DSP: variants seen among roughly 807,000 people sequenced by gnomAD.
DSP encodes the protein 250/210 kDa paraneoplastic pemphigus antigen.
A neutral mutation model predicts 290.6 loss-of-function variants in DSP; 114 were observed. The observed-to-expected ratio is 0.39, with a 90% CI of 0.34 to 0.46. The LOEUF is 0.46. DSP is among the 20% of genes least tolerant of loss of function. DSP has a pLI of 0.99. For missense variants in DSP, 3,230 were observed against 3,495.8 expected (o/e 0.92, Z 1.92); for synonymous variants, 1,311 against 1,316.4 (o/e 1.00, Z 0.09).
chr6:7,585,676 C>G lies in DSP; in HGVS notation c.8414C>G (p.Ala2805Gly). ...ATCACTGGGCTGCGCCTTCTGGAAG[C>G]CGCCTCCGTGTCGTCCAAGGGCTTA... ...EDITGLRLLE[A>G]ASVSSKGLPS... Residue 2805 changes from alanine (A) to glycine (G), a missense_variant, in exon 24 of 24, where the codon GCC (alanine) becomes GGC (glycine). Physicochemically the swap from Ala to Gly is moderately conservative, Grantham distance 60 (BLOSUM62 0). Coordinates refer to ENST00000379802, the MANE Select transcript of DSP (RefSeq NM_004415.4). 6.2e-7 allele frequency: 1 copy of G among 1,614,240 alleles called. No individual in the cohort carries two copies. The highest frequency in any genetic ancestry group is 1.1e-5 in the South Asian group (1 of 91,082).
Position 7,584,173 on chromosome 6 carries a change from C to T in DSP, c.6911C>T (p.Pro2304Leu). ...AQAATGFIVD[P>L]VSNLRLPVEE... ...GCAGCTACTGGCTTTATAGTGGATC[C>T]TGTTAGCAACTTGAGGTTACCAGTG... Residue 2304 changes from proline to leucine, a missense_variant, in exon 24 of 24, where the codon CCT (proline) becomes CTT (leucine). By Grantham distance (98) the Pro-to-Leu change is moderately conservative (BLOSUM62 -3). This residue lies in a region of DSP where 207 missense variants were observed against 281.2 expected (regional missense o/e 0.74). Coordinates refer to ENST00000379802, the MANE Select transcript of DSP (RefSeq NM_004415.4). The surrounding 1 kb of genome is among the most constrained non-coding windows in gnomAD (Gnocchi z 6.4). 1 of 1,614,134 alleles carries T rather than the reference C, an allele frequency of 6.2e-7. No homozygotes were observed. Among genetic ancestry groups the T allele is most frequent in the Non-Finnish European group, 8.5e-7 (1 of 1,180,034 alleles).
In DSP at chr6:7,579,770, A is replaced by G; in HGVS notation, c.3580A>G (p.Lys1194Glu). The change falls in exon 23 of 24, where the codon AAG (lysine) becomes GAG (glutamate). Residue 1194 changes from lysine (K) to glutamate (E), a missense_variant. Coordinates refer to ENST00000379802, the MANE Select transcript of DSP (RefSeq NM_004415.4). The surrounding 1 kb of genome is among the most constrained non-coding windows in gnomAD (Gnocchi z 4.1). ...GAGAGAATATGAAAATGAGCTGGCA[A>G]AGGTAAGAAACCACTATAATGAGGA... The part of the protein sequence containing the change: ...RKREYENELA[K>E]VRNHYNEEMS... The G allele has an allele frequency of 6.2e-7, 1 of 1,613,972 alleles. No individual in the cohort carries two copies.
chr6:7,577,729 G>T, intron 20 of DSP, 50 bp from the exon 21 acceptor site: 1 of 1,403,556 alleles, frequency 7.1e-7, no homozygotes, highest in Non-Finnish European at 1.0e-6. Context: ...TGTTAGTGAT[G>T]CTTTTTAAGT....
In DSP at chr6:7,580,441, C is replaced by T; in HGVS notation, c.4251C>T (p.Thr1417=). The change falls in exon 23 of 24, where the codon ACC becomes ACT. Residue 1417 remains threonine (T), a synonymous_variant. Transcript: ENST00000379802. The surrounding 1 kb of genome is among the most constrained non-coding windows in gnomAD (Gnocchi z 4.2). ...TAAAGAGGCTGAAGAACACTCTAACCCAGACCACAGAGAATCTCAGGAGGG... is the reference window on the plus strand; with the variant it reads ...TAAAGAGGCTGAAGAACACTCTAACTCAGACCACAGAGAATCTCAGGAGGG... The part of the protein sequence containing the change: ...EEIKRLKNTL[T]QTTENLRRVE... 1 of 1,613,888 alleles carries T rather than the reference C, an allele frequency of 6.2e-7. No individual in the cohort carries two copies. The highest frequency in any genetic ancestry group is 8.5e-7 in the Non-Finnish European group (1 of 1,179,964).
chr6:7,576,547 T>C (rs1759247096), intron 19 of DSP, 91 bp downstream of exon 19: 10 of 1,498,478 alleles, frequency 6.7e-6, no homozygotes, highest in Non-Finnish European at 9.3e-6. Flanking sequence ...TGCCTAGGTT[T>C]GAAATGATGA....
chr6:7,564,910 C>T (rs937442916), intron 6 of DSP, among the ~76,000 whole-genome samples: 2 of 152,214 alleles, frequency 1.3e-5, no homozygotes, highest in South Asian at 2.1e-4. Context: ...TTTGGGGGGC[C>T]GAGGTGGGCG....
chr6:7,575,770 G>A (rs892507046), intron 18 of DSP, among the ~76,000 whole-genome samples: 4 of 152,102 alleles, frequency 2.6e-5, no homozygotes, highest in Admixed American at 6.5e-5. Context: ...ATAAACTCTT[G>A]TTATGACTCT....
chr6:7,583,991 T>A lies in DSP; in HGVS notation c.6729T>A (p.Tyr2243Ter), dbSNP rs188533371. Reference sequence around the variant, plus strand: ...AACTGGAATCTGGTCAGATTTCTTATGACGAGGTTGGTGAGAGAATTAAGG... The same window carrying A: ...AACTGGAATCTGGTCAGATTTCTTAAGACGAGGTTGGTGAGAGAATTAAGG... ...VNELESGQIS[Y>*]DEVGERIKDF... The change falls in exon 24 of 24, where the codon TAT becomes TAA. Residue 2243 changes from tyrosine (Y) to a stop codon, truncating the protein, a stop_gained. Coordinates refer to ENST00000379802, the MANE Select transcript of DSP (RefSeq NM_004415.4). LOFTEE classifies it high-confidence loss of function. The surrounding 1 kb of genome is among the most constrained non-coding windows in gnomAD (Gnocchi z 4.0). 1 of 1,614,182 alleles carries A rather than the reference T, an allele frequency of 6.2e-7. No individual in the cohort carries two copies. The highest frequency in any genetic ancestry group is 1.7e-5 in the Admixed American group (1 of 60,022).
intron 1 of DSP, among the ~76,000 whole-genome samples, chr6:7,547,170 C>T (rs889419591): frequency 1.3e-5 from 2 of 152,124 alleles, no homozygotes; most frequent in African/African-American, 4.8e-5. Context: ...CCCAGTGGCC[C>T]TGCCGCTTGA....
chr6:7,563,662 G>A (rs1304566058), intron 5 of DSP, 74 bp from the exon 6 acceptor site: 2 of 1,200,330 alleles, frequency 1.7e-6, no homozygotes, highest in Non-Finnish European at 2.5e-6. Flanking sequence ...AAGAAAAGGA[G>A]GCTTAGAAGG....
chr6:7,570,093 G>A (rs1461498227), intron 12 of DSP, among the ~76,000 whole-genome samples: 1 of 152,322 alleles, frequency 6.6e-6, no homozygotes, highest in East Asian at 1.9e-4. Context: ...GGAGAGTAGT[G>A]TAGTAAGCTG....
At position 7,576,954 on chromosome 6, in the gene DSP, T is replaced by TA. The variant is rs397516924; in HGVS notation, c.2794-4dup. The TA allele has an allele frequency of 4.2e-5, 67 of 1,612,572 alleles. No homozygotes were observed. The African/African-American group carries it at 8.3e-4, about 20-fold the overall frequency. On this transcript the variant is annotated splice_region_variant and splice_polypyrimidine_tract_variant and intron_variant, in intron 19 of 23. Coordinates refer to ENST00000379802, the MANE Select transcript of DSP (RefSeq NM_004415.4). ...ACATTGGTAAATATTTCACTTTTTGTATAGAACTTGCACAGTGAAATATCT... is the reference window on the plus strand; with the variant it reads ...ACATTGGTAAATATTTCACTTTTTGTAATAGAACTTGCACAGTGAAATATCT...
chr6:7,541,758 C>G lies in DSP; in HGVS notation c.-158C>G. On this transcript the variant is annotated 5_prime_UTR_variant, in exon 1 of 24. Transcript: ENST00000379802. Reference sequence around the variant, plus strand: ...GCCGTCTCCGCGCTCGCAGCGGCCTCGGGAGGGCCCAGGTAGCGAGCAGCG... The same window carrying G: ...GCCGTCTCCGCGCTCGCAGCGGCCTGGGGAGGGCCCAGGTAGCGAGCAGCG... The G allele has an allele frequency of 2.2e-6, 2 of 922,676 alleles. No individual in the cohort carries two copies. Among genetic ancestry groups the G allele is most frequent in the Non-Finnish European group, 3.1e-6 (2 of 648,140 alleles). 57.2% of individuals were successfully genotyped at this position (922,676 alleles called of 1,614,324 possible).
rs1759561425 is a variant in DSP, at chr6:7,584,441, G to T, written c.7179G>T (p.Lys2393Asn). ...SHRLPVDIAY[K>N]RGYFNEELSE... ...GTTTACCAGTTGACATAGCATATAA[G>T]AGGGGCTATTTCAATGAGGAACTCA... Residue 2393 changes from lysine (K) to asparagine (N), a missense_variant, in exon 24 of 24, where the codon AAG becomes AAT. By Grantham distance (94) the Lys-to-Asn change is moderately conservative. Coordinates refer to ENST00000379802, the MANE Select transcript of DSP (RefSeq NM_004415.4). The surrounding 1 kb of genome is among the most constrained non-coding windows in gnomAD (Gnocchi z 6.4). 1 of 1,614,206 alleles carries T rather than the reference G, an allele frequency of 6.2e-7. No individual in the cohort carries two copies. Among genetic ancestry groups the T allele is most frequent in the Non-Finnish European group, 8.5e-7 (1 of 1,180,036 alleles).
intron 7 of DSP, 105 bp from the exon 8 acceptor site, chr6:7,566,272 A>G (rs747847158): frequency 4.7e-5 from 43 of 913,116 alleles, no homozygotes; most frequent in Non-Finnish European, 7.7e-5. Flanking sequence ...GGCATTGTTC[A>G]TTTCCAAAAT....
At chr6:7,568,299 C>A (rs116149663) in intron 10 of DSP, 138 bp from the exon 11 acceptor site, 3 of 990,068 alleles carry the variant, frequency 3.0e-6, no homozygotes, top group Non-Finnish European at 4.6e-6. Flanking sequence ...TTCCTGCCGA[C>A]GAATTTGTGA....
At position 7,559,320 on chromosome 6, in the gene DSP, A is replaced by T. The variant is rs1372912970; in HGVS notation, c.517A>T (p.Thr173Ser). The T allele has an allele frequency of 5.6e-6, 9 of 1,613,762 alleles. No individual in the cohort carries two copies. The highest frequency in any genetic ancestry group is 7.6e-6 in the Non-Finnish European group (9 of 1,180,034). The change falls in exon 4 of 24, where the codon ACT becomes TCT. Residue 173 changes from threonine (T) to serine (S), a missense_variant. Coordinates refer to ENST00000379802, the MANE Select transcript of DSP (RefSeq NM_004415.4). ...CAGCTCCAAGGGTGGTGGAGGCTAC[A>T]CTTGTCAGAGTGGCTCTGGCTGGGA... ...RASSKGGGGY[T>S]CQSGSGWDEF...
At chr6:7,563,814 C>T (rs780067594) in intron 6 of DSP, 28 bp downstream of exon 6, 5 of 1,604,124 alleles carry the variant, frequency 3.1e-6, no homozygotes, top group East Asian at 2.2e-5. Context: ...TCAAGTGCAT[C>T]GACTTTCTGT....
Position 7,584,209 on chromosome 6 carries a change from A to T in DSP, c.6947A>T (p.Tyr2316Phe). 1.2e-6 allele frequency: 2 copies of T among 1,614,190 alleles called. No individual in the cohort carries two copies. Among genetic ancestry groups the T allele is most frequent in the Non-Finnish European group, 1.7e-6 (2 of 1,180,040 alleles). Reference sequence around the variant, plus strand: ...TTGAGGTTACCAGTGGAGGAAGCCTACAAGAGAGGTCTGGTGGGCATTGAG... The same window carrying T: ...TTGAGGTTACCAGTGGAGGAAGCCTTCAAGAGAGGTCTGGTGGGCATTGAG... ...SNLRLPVEEA[Y>F]KRGLVGIEFK... The change falls in exon 24 of 24, where the codon TAC becomes TTC. Residue 2316 changes from tyrosine to phenylalanine, a missense_variant. Physicochemically the swap from Tyr to Phe is conservative, Grantham distance 22 (BLOSUM62 3). Around this residue, in one of 5 missense-constraint regions of DSP, gnomAD observed 207 missense variants for 281.2 expected, o/e 0.74. Transcript: ENST00000379802. The surrounding 1 kb of genome is among the most constrained non-coding windows in gnomAD (Gnocchi z 6.4).
Sources: allele counts gnomAD v4.1 joint callset (sites outside exome capture counted in the v4.1 genomes callset), GRCh38; gene constraint gnomAD v4.1.1; regional missense constraint gnomAD v4.1.1; non-coding constraint Gnocchi (gnomAD v3.1); transcripts MANE v1.5; gene names NCBI Gene and HGNC (gene_info 2026-07-23, HGNC 2026-07-21).